The following PHGDH variants were observed in gnomAD, a reference collection of about 807,000 sequenced individuals.
PHGDH encodes the protein D-3-phosphoglycerate dehydrogenase.
A neutral mutation model predicts 52.6 loss-of-function variants in PHGDH; 50 were observed. The ratio of observed to expected loss-of-function variants is 0.95; its 90% CI spans 0.76 to 1.20. The LOEUF (loss-of-function observed/expected upper bound fraction) is 1.20. Among genes scored for constraint, PHGDH ranks in the 50% most tolerant of loss-of-function variants. The pLI is 0.00. For synonymous variants in PHGDH, 271 were observed against 280.5 expected, an observed-to-expected ratio of 0.97 and a Z score of 0.34; for missense variants, 630 against 684.6, an observed-to-expected ratio of 0.92 and a Z score of 0.89.
intron 5 of PHGDH, among the ~76,000 whole-genome samples, chr1:119,732,894 T>C (rs1428502539): frequency 6.6e-6 from 1 of 152,034 alleles, no homozygotes; most frequent in Non-Finnish European, 1.5e-5. Flanking sequence ...TTGTGATCTC[T>C]ATTGGTGTTC....
intron 1 of PHGDH, among the ~76,000 whole-genome samples, chr1:119,716,747 G>A (rs1024246846): frequency 5.3e-5 from 8 of 152,136 alleles, no homozygotes; most frequent in Admixed American, 2.6e-4. Flanking sequence ...AGGAGGTTGT[G>A]TTTCCTCAGT....
At position 119,727,023 on chromosome 1, in the gene PHGDH, A is replaced by G; in HGVS notation, c.431A>G (p.Asn144Ser). The G allele has an allele frequency of 6.2e-7, 1 of 1,613,756 alleles. No homozygotes were observed. The highest frequency in any genetic ancestry group is 1.3e-5 in the African/African-American group (1 of 75,052). ...ERKKFMGTELNGKTLGILGLG... is the reference protein window; with the variant it reads ...ERKKFMGTELSGKTLGILGLG... Reference sequence around the variant, plus strand: ...TTGCAGTTCATGGGAACAGAGCTGAATGGAAAGACCCTGGGAATTCTTGGC... The same window carrying G: ...TTGCAGTTCATGGGAACAGAGCTGAGTGGAAAGACCCTGGGAATTCTTGGC... The change falls in exon 5 of 12, where the codon AAT becomes AGT. Residue 144 changes from asparagine (N) to serine (S), a missense_variant. Asn to Ser is a conservative substitution (Grantham distance 46). Transcript: ENST00000641023.
chr1:119,727,298 T>A (rs957247892), intron 5 of PHGDH, 196 bp downstream of exon 5: 1 of 617,068 alleles, frequency 1.6e-6, no homozygotes, highest in African/African-American at 1.8e-5. Flanking sequence ...CTGGAAATAC[T>A]TGGTGGGGGT....
chr1:119,713,742 C>T (rs1409040109), intron 1 of PHGDH, among the ~76,000 whole-genome samples: 1 of 152,124 alleles, frequency 6.6e-6, no homozygotes, highest in Non-Finnish European at 1.5e-5. Context: ...GTGGGGTGTC[C>T]TGCAGAACAG....
chr1:119,718,658 A>T (rs1215999921), intron 1 of PHGDH, among the ~76,000 whole-genome samples: 3 of 152,204 alleles, frequency 2.0e-5, no homozygotes, highest in Admixed American at 1.3e-4. Flanking sequence ...GAAACTGGGG[A>T]TGATTATACC....
Position 119,713,968 on chromosome 1 carries a change from G to GT in PHGDH, c.138+1809dup, listed in dbSNP as rs587662504. On this transcript the variant is annotated intron_variant, in intron 1 of 11. Coordinates refer to ENST00000641023, the MANE Select transcript of PHGDH (RefSeq NM_006623.4). Reference sequence around the variant, plus strand: ...CAGCTGGGTGGATGCTGGGAGTCTGGTGCTGAAACTTGGAGAACATTTTAA... The same window carrying GT: ...CAGCTGGGTGGATGCTGGGAGTCTGGTTGCTGAAACTTGGAGAACATTTTAA... 3.4e-3 allele frequency among the ~76,000 whole-genome samples: 515 copies of GT among 152,274 alleles called. 3 individuals are homozygous for GT. Among genetic ancestry groups the GT allele is most frequent in the African/African-American group, 0.012 (497 of 41,544 alleles).
chr1:119,714,308 C>T (rs978248314), intron 1 of PHGDH: 2 of 152,196 alleles, frequency 1.3e-5, no homozygotes, highest in Non-Finnish European at 2.9e-5. Context: ...GCCTTGTATT[C>T]TGGGCAGGCG....
At chr1:119,735,057 AG>A in intron 6 of PHGDH, 1 of 640,254 alleles carries the variant, frequency 1.6e-6, no homozygotes, top group South Asian at 1.9e-5. Flanking sequence ...CACTTGAAAC[AG>A]TAATATCTCA....
At chr1:119,737,092 A>G in intron 7 of PHGDH, 22 bp from the exon 8 acceptor site, 3 of 1,613,416 alleles carry the variant, frequency 1.9e-6, no homozygotes, top group Non-Finnish European at 2.5e-6. Context: ...CAGCCAACTT[A>G]GAGGTATCTC....
At chr1:119,720,594 A>G in intron 1 of PHGDH, 1 of 180,990 alleles carries the variant, frequency 5.5e-6, no homozygotes, top group Non-Finnish European at 1.2e-5. Context: ...TGTTCCTCAC[A>G]CACTTGAGAA....
intron 5 of PHGDH, among the ~76,000 whole-genome samples, chr1:119,728,190 A>C (rs766413407): frequency 3.3e-5 from 5 of 152,060 alleles, no homozygotes; most frequent in Non-Finnish European, 7.4e-5. Flanking sequence ...ATGAATACCG[A>C]GGCTTATTGT....
intron 5 of PHGDH, chr1:119,734,174 C>T (rs1651828580): frequency 6.9e-6 from 2 of 290,678 alleles, no homozygotes; most frequent in Non-Finnish European, 1.3e-5. Context: ...TTCTCCCTTT[C>T]CTGGCTGTCC....
At chr1:119,737,302 CAGAG>C (rs749791820) in intron 8 of PHGDH, 36 bp downstream of exon 8, 4 of 1,583,638 alleles carry the variant, frequency 2.5e-6, no homozygotes, top group African/African-American at 1.3e-5. Context: ...GGCCAGGAGT[CAGAG>C]GGAGGAGAGG....
At chr1:119,726,778 C>T (rs1651440165) in intron 3 of PHGDH, 73 bp from the exon 4 acceptor site, 1 of 1,247,470 alleles carries the variant, frequency 8.0e-7, no homozygotes, top group Non-Finnish European at 1.2e-6. Flanking sequence ...ACTGTGCAAA[C>T]CTGATGTTGC....
intron 1 of PHGDH, among the ~76,000 whole-genome samples, chr1:119,718,567 C>T (rs1446406692): frequency 6.6e-6 from 1 of 152,244 alleles, no homozygotes; most frequent in Non-Finnish European, 1.5e-5. Flanking sequence ...GTGGCAATGA[C>T]TTTCCAGTTC....
At chr1:119,721,638 G>A (rs1651169695) in intron 2 of PHGDH, 2 of 298,528 alleles carry the variant, frequency 6.7e-6, no homozygotes, top group Non-Finnish European at 1.3e-5. Context: ...TCTGTGACCT[G>A]GTTCAGGAAT....
intron 3 of PHGDH, chr1:119,724,919 T>G (rs1335250949): frequency 8.8e-6 from 4 of 456,516 alleles, no homozygotes; most frequent in Non-Finnish European, 1.8e-5. Flanking sequence ...TGGGAAGGAA[T>G]GCGTTCGTTT....
In PHGDH at chr1:119,741,914, C is replaced by G. The variant is rs587674701; in HGVS notation, c.1209+17C>G. ...GGCCTCAATGTGCGCCCCTCTCCCC[C>G]ACGCTGCCTCCCCATCCCTGTCAGC... On this transcript the variant is annotated intron_variant, in intron 10 of 11. Transcript: ENST00000641023. 1.1e-5 allele frequency: 17 copies of G among 1,607,978 alleles called. No individual in the cohort carries two copies. The highest frequency in any genetic ancestry group is 4.5e-5 in the East Asian group (2 of 44,858).
intron 2 of PHGDH, 139 bp from the exon 3 acceptor site, chr1:119,723,237 G>C (rs1220475419): frequency 9.2e-6 from 7 of 757,720 alleles, no homozygotes; most frequent in Non-Finnish European, 1.4e-5. Flanking sequence ...GAGTACATCA[G>C]AGAACTCTGG....
Sources: gnomAD v4.1 joint callset for allele counts (sites outside exome capture counted in the v4.1 genomes callset) on GRCh38, gnomAD v4.1.1 for gene constraint, MANE v1.5 for transcripts, NCBI Gene and HGNC (gene_info 2026-07-23, HGNC 2026-07-21) for gene names.